The following XPO5 variants were observed in gnomAD, a reference collection of about 807,000 sequenced individuals.
XPO5 encodes the protein exportin-5.
XPO5 carries 46 observed loss-of-function variants against 160.6 expected under a neutral mutation model. That is an observed-to-expected ratio of 0.29 (90% CI 0.23 to 0.37). XPO5 has a LOEUF of 0.37. Among genes scored for constraint, XPO5 ranks in the 10% least tolerant of loss-of-function variants. XPO5 has a pLI of 1.00. For synonymous variants in XPO5, 537 were observed against 519.3 expected, an observed-to-expected ratio of 1.03 and a Z score of -0.46; for missense variants, 1,090 against 1,463.9, an observed-to-expected ratio of 0.74 and a Z score of 4.17.
At chr6:43,561,786 C>A in intron 9 of XPO5, 1 of 154,296 alleles carries the variant, frequency 6.5e-6, no homozygotes, top group South Asian at 2.0e-4. Flanking sequence ...TATCTTCCAA[C>A]TTATAAGACT....
At chr6:43,528,033 G>T in intron 25 of XPO5, 126 bp downstream of exon 25, 1 of 998,212 alleles carries the variant, frequency 1.0e-6, no homozygotes, top group Non-Finnish European at 1.5e-6. Flanking sequence ...TATCACCTAG[G>T]CTGAGAATGA....
At chr6:43,539,547 C>T (rs1005059479) in intron 20 of XPO5, 9 of 1,391,456 alleles carry the variant, frequency 6.5e-6, no homozygotes, top group Non-Finnish European at 8.0e-6. Flanking sequence ...TTGGCCTTGC[C>T]TCCGCGAGCT....
intron 8 of XPO5, among the ~76,000 whole-genome samples, chr6:43,564,679 G>A (rs983973648): frequency 2.6e-5 from 4 of 151,952 alleles, no homozygotes; most frequent in African/African-American, 9.7e-5. Context: ...CATGGTTCAC[G>A]ATTGCCTGGA....
At chr6:43,525,647 C>A in intron 28 of XPO5, 192 bp downstream of exon 28, 2 of 602,706 alleles carry the variant, frequency 3.3e-6, no homozygotes, top group South Asian at 2.2e-5. Flanking sequence ...AGAGCTCCTG[C>A]CTATGCTGGT....
intron 27 of XPO5, 43 bp downstream of exon 27, chr6:43,526,642 G>C (rs1417184444): frequency 5.0e-6 from 8 of 1,608,270 alleles, no homozygotes; most frequent in Non-Finnish European, 6.8e-6. Context: ...ACAGTATTTA[G>C]GAGGCTAAGA....
At chr6:43,556,039 T>G (rs1762063628) in intron 12 of XPO5, 75 bp from the exon 13 acceptor site, 7 of 1,571,504 alleles carry the variant, frequency 4.5e-6, no homozygotes, top group Middle Eastern at 1.7e-4. Flanking sequence ...GTTTATTAAT[T>G]TACCACCCTA....
intron 15 of XPO5, among the ~76,000 whole-genome samples, chr6:43,550,248 A>G (rs1034046270): frequency 1.3e-5 from 2 of 152,172 alleles, no homozygotes; most frequent in Admixed American, 6.5e-5. Context: ...TGTATGGTCT[A>G]TCCCTTCTAT....
chr6:43,557,301 G>A (rs1762146714), intron 12 of XPO5, among the ~76,000 whole-genome samples: 1 of 150,744 alleles, frequency 6.6e-6, no homozygotes, highest in Non-Finnish European at 1.5e-5. Flanking sequence ...TGGCACGTGT[G>A]TGTAGTCCCA....
chr6:43,548,563 A>C (rs1310761858), intron 17 of XPO5, 103 bp from the exon 18 acceptor site: 4 of 1,073,816 alleles, frequency 3.7e-6, no homozygotes, highest in Admixed American at 3.1e-5. Context: ...CAGTCCCAGG[A>C]AAGTCAGGCC....
chr6:43,565,772 C>A, intron 7 of XPO5, 36 bp from the exon 8 acceptor site: 2 of 1,500,282 alleles, frequency 1.3e-6, no homozygotes, highest in East Asian at 2.3e-5. Flanking sequence ...GTCATATAAA[C>A]TATACTTCAA....
At chr6:43,536,634 C>T (rs1794340315) in intron 20 of XPO5, among the ~76,000 whole-genome samples, 1 of 151,228 alleles carries the variant, frequency 6.6e-6, no homozygotes, top group Admixed American at 6.6e-5. Flanking sequence ...TGGCACACGC[C>T]TGTAAATCCC....
At chr6:43,550,396 C>A (rs972191081) in intron 15 of XPO5, among the ~76,000 whole-genome samples, 1 of 152,188 alleles carries the variant, frequency 6.6e-6, no homozygotes, top group Non-Finnish European at 1.5e-5. Context: ...TAATTTGCAA[C>A]AAATGAGCCC....
intron 24 of XPO5, among the ~76,000 whole-genome samples, 157 bp from the exon 25 acceptor site, chr6:43,528,362 AC>A (rs1345948094): frequency 2.6e-5 from 4 of 152,188 alleles, no homozygotes; most frequent in Non-Finnish European, 5.9e-5. Flanking sequence ...GTTAAAAAAA[AC>A]ATCTATGGTT....
rs536371876 is a variant in XPO5, at chr6:43,529,640, G to A, written c.2678-715C>T. On this transcript the variant is annotated intron_variant, in intron 23 of 31. Coordinates refer to ENST00000265351, the MANE Select transcript of XPO5 (RefSeq NM_020750.3). ...ATGAAGTGTTAAAACTGCTGCTTCT[G>A]GCTGGGTGTGGTGGCTCAGGCCTGT... is the stretch of plus-strand genomic sequence containing the variant. 28 of 164,704 alleles carry A rather than the reference G, an allele frequency of 1.7e-4. No individual in the cohort carries two copies. In the South Asian group the frequency reaches 4.0e-3, roughly 24 times the overall value. 10.2% of individuals were successfully genotyped at this position (164,704 alleles called of 1,614,324 possible).
intron 14 of XPO5, among the ~76,000 whole-genome samples, chr6:43,552,082 T>C (rs767559854): frequency 6.6e-6 from 1 of 152,204 alleles, no homozygotes; most frequent in Non-Finnish European, 1.5e-5. Flanking sequence ...TCAGCTACTT[T>C]ATTTATATAT....
At chr6:43,539,679 C>T in intron 20 of XPO5, 1 of 926,264 alleles carries the variant, frequency 1.1e-6, no homozygotes, top group Non-Finnish European at 1.6e-6. Flanking sequence ...CCAGGCCCCC[C>T]CACTGCACCG....
intron 7 of XPO5, chr6:43,566,744 A>G (rs545055011): frequency 5.3e-5 from 13 of 247,616 alleles, no homozygotes; most frequent in South Asian, 4.6e-4. Flanking sequence ...CGGAAGGCGG[A>G]CGTTGCAGTG....
At position 43,523,178 on chromosome 6, in the gene XPO5, A is replaced by G. The variant is rs41308307; in HGVS notation, c.*690T>C. ...CATTCATGGAAGGGCAAGATGTGTG[A>G]ACTCTAAAGGGGATGTTAGCACTAA... On this transcript the variant is annotated 3_prime_UTR_variant, in exon 32 of 32. Transcript: ENST00000265351. The G allele has an allele frequency of 6.0e-6, 1 of 167,576 alleles. No individual in the cohort carries two copies. Among genetic ancestry groups the G allele is most frequent in the Non-Finnish European group, 1.3e-5 (1 of 75,996 alleles). The allele number at this position is 167,576 out of a possible 1,614,324, so 10.4% of individuals were successfully genotyped here.
chr6:43,526,704 A>G lies in XPO5; in HGVS notation c.2964T>C (p.Ala988=). Residue 988 remains alanine, a synonymous_variant, in exon 27 of 32, where the codon GCT becomes GCC. Coordinates refer to ENST00000265351, the MANE Select transcript of XPO5 (RefSeq NM_020750.3). The stretch of plus-strand genomic sequence containing the variant: ...ACTTACCGTCTCCATCTGCTGGGGG[A>G]GCACTACTGTGGTCAGCACCCTTCT... ...VSKKGADHSS[A]PPADGDDEEM... 1 of 1,613,902 alleles carries G rather than the reference A, an allele frequency of 6.2e-7. No individual in the cohort carries two copies. The highest frequency in any genetic ancestry group is 8.5e-7 in the Non-Finnish European group (1 of 1,179,852).
Sources: allele counts gnomAD v4.1 joint callset (sites outside exome capture counted in the v4.1 genomes callset), GRCh38; gene constraint gnomAD v4.1.1; transcripts MANE v1.5; gene names NCBI Gene and HGNC (gene_info 2026-07-23, HGNC 2026-07-21).